RBM41: variants seen among roughly 807,000 people sequenced by gnomAD.
RBM41 encodes RNA binding motif protein 41.
Under a neutral mutation model 30.8 loss-of-function variants are expected in RBM41, and 14 were observed. That is an observed-to-expected ratio of 0.45 (90% CI 0.30 to 0.71). The LOEUF (loss-of-function observed/expected upper bound fraction) is 0.71. RBM41 is among the 30% of genes least tolerant of loss of function. The probability of loss-of-function intolerance (pLI) is 0.08; values close to 1 mark genes in which losing one functional copy is unlikely to be tolerated. For missense variants in RBM41, 276 were observed against 326.3 expected (o/e 0.85, Z 1.19); for synonymous variants, 120 against 110.1 (o/e 1.09, Z -0.56).
chrX:107,117,055 G>A (rs756181424), intron 1 of RBM41, among the ~76,000 whole-genome samples: 2 of 112,187 alleles, frequency 1.8e-5, no homozygotes, highest in South Asian at 3.7e-4. Flanking sequence ...TGTGTTGTGT[G>A]CATGTGCCTT....
chrX:107,104,079 C>A (rs946461671), intron 5 of RBM41, among the ~76,000 whole-genome samples: 1 of 110,292 alleles, frequency 9.1e-6, no homozygotes, highest in East Asian at 2.9e-4. Flanking sequence ...TCCCCGCTCC[C>A]CTCCCCTACC....
chrX:107,101,051 A>G (rs1192263229), intron 5 of RBM41, among the ~76,000 whole-genome samples: 1 of 112,089 alleles, frequency 8.9e-6, no homozygotes, highest in Admixed American at 9.5e-5. Flanking sequence ...CACTGACACA[A>G]TGCTTAAGCA....
At chrX:107,071,722 A>T (rs920259805) in intron 6 of RBM41, among the ~76,000 whole-genome samples, 4 of 111,774 alleles carry the variant, frequency 3.6e-5, no homozygotes, top group African/African-American at 1.3e-4. Flanking sequence ...TGATGAAGAC[A>T]CTCAACTACT....
At chrX:107,114,395 T>C (rs1235060375) in intron 4 of RBM41, 1 of 112,017 alleles carries the variant, frequency 8.9e-6, no homozygotes, top group Non-Finnish European at 1.9e-5. Flanking sequence ...TGAAACTAAC[T>C]GATAACTAAC....
At chrX:107,106,708 T>A (rs1424300050) in intron 5 of RBM41, among the ~76,000 whole-genome samples, 1 of 111,063 alleles carries the variant, frequency 9.0e-6, no homozygotes, top group African/African-American at 3.3e-5. Context: ...GATGAGTTCA[T>A]GTCCTTTGTA....
downstream of RBM41, among the ~76,000 whole-genome samples, chrX:107,060,639 T>A (rs905214830): frequency 2.7e-5 from 3 of 111,143 alleles, no homozygotes; most frequent in Admixed American, 1.9e-4. Context: ...CATTTTTTTT[T>A]ATTGTTGTTA....
rs1023897915 is a variant in RBM41, at chrX:107,117,777, G to C, written c.8+989C>G. ...AAGGGAATTAATAACACAAAATTCCGGATAGTGGTCACCTCAGGGGGGAAC... is the reference window on the plus strand; with the variant it reads ...AAGGGAATTAATAACACAAAATTCCCGATAGTGGTCACCTCAGGGGGGAAC... On this transcript the variant is annotated intron_variant, in intron 1 of 7. Coordinates refer to ENST00000685964, the MANE Select transcript of RBM41 (RefSeq NM_001324242.2). 4.5e-5 allele frequency among the ~76,000 whole-genome samples: 5 copies of C among 111,495 alleles called. No individual in the cohort carries two copies. The Admixed American group carries it at 4.7e-4, about 11-fold the overall frequency.
chrX:107,105,129 A>G (rs762398800), intron 5 of RBM41, among the ~76,000 whole-genome samples: 1 of 111,747 alleles, frequency 8.9e-6, no homozygotes, highest in South Asian at 3.8e-4. Context: ...CCACCGTCTC[A>G]GCCCAAAATC....
chrX:107,091,815 G>A (rs1922563353), intron 5 of RBM41, among the ~76,000 whole-genome samples: 1 of 111,758 alleles, frequency 8.9e-6, no homozygotes, highest in African/African-American at 3.3e-5. Flanking sequence ...ATATGTCCTG[G>A]AGATAGTTCC....
chrX:107,054,206 C>T, the RBM41 span, among the ~76,000 whole-genome samples: 2 of 111,282 alleles, frequency 1.8e-5, no homozygotes, highest in East Asian at 2.8e-4. Context: ...GTGAGCATGC[C>T]GTTCACATCA....
intron 5 of RBM41, among the ~76,000 whole-genome samples, chrX:107,106,060 C>T (rs1923944941): frequency 8.9e-6 from 1 of 111,847 alleles, no homozygotes; most frequent in African/African-American, 3.3e-5. Context: ...GCGAAAGAAA[C>T]TACCATCAGA....
At chrX:107,057,177 T>C (rs1447139636), downstream of RBM41, among the ~76,000 whole-genome samples, 4 of 111,300 alleles carry the variant, frequency 3.6e-5, no homozygotes, top group Non-Finnish European at 7.5e-5. Flanking sequence ...CCCTTAGCTA[T>C]AATCTTTACT....
rs889269052 is a variant in RBM41 at position 107,095,527 on chromosome X, C to G, written c.596-6688G>C. 1.3e-4 allele frequency among the ~76,000 whole-genome samples: 14 copies of G among 108,156 alleles called. No individual in the cohort carries two copies. The Admixed American group carries it at 1.4e-3, about 11-fold the overall frequency. 93.9% of individuals were successfully genotyped at this position (108,156 alleles called of 115,157 possible). A position where few individuals can be genotyped will look rare whatever the true frequency, so the allele number is the denominator to read the frequency against. ...AGGAGAATCGCTTGAACCTAGGTGG[C>G]GGAGATTGCAGTGAGCCGAGACAGT... On this transcript the variant is annotated intron_variant, in intron 5 of 7. Coordinates refer to ENST00000685964, the MANE Select transcript of RBM41 (RefSeq NM_001324242.2).
At chrX:107,115,324 T>A in intron 4 of RBM41, 28 bp downstream of exon 4, 1 of 1,186,902 alleles carries the variant, frequency 8.4e-7, no homozygotes. Context: ...AGTGAAAGAA[T>A]ATATCAAAGT....
intron 5 of RBM41, among the ~76,000 whole-genome samples, chrX:107,104,147 A>T (rs939259745): frequency 1.8e-5 from 2 of 110,310 alleles, no homozygotes; most frequent in African/African-American, 6.6e-5. Context: ...AGATTTATAC[A>T]CCGGTCAAAA....
intron 1 of RBM41, among the ~76,000 whole-genome samples, chrX:107,116,980 T>G (rs992024005): frequency 8.9e-6 from 1 of 112,386 alleles, no homozygotes; most frequent in Non-Finnish European, 1.9e-5. Context: ...GTCAAAGGTG[T>G]TTAAGACATA....
intron 5 of RBM41, among the ~76,000 whole-genome samples, chrX:107,108,994 T>C (rs970229953): frequency 8.9e-6 from 1 of 111,735 alleles, no homozygotes; most frequent in East Asian, 2.8e-4. Context: ...AAACAAAGTT[T>C]TTTAATATAA....
intron 5 of RBM41, among the ~76,000 whole-genome samples, chrX:107,091,805 A>G (rs1447392377): frequency 8.9e-6 from 1 of 112,058 alleles, no homozygotes; most frequent in Non-Finnish European, 1.9e-5. Context: ...GCACTTAACA[A>G]TATGTCCTGG....
intron 5 of RBM41, among the ~76,000 whole-genome samples, chrX:107,102,998 T>C (rs1923592396): frequency 9.0e-6 from 1 of 111,280 alleles, no homozygotes; most frequent in Non-Finnish European, 1.9e-5. Flanking sequence ...ATGGACCATA[T>C]CCAGAACCTC....
Sources: allele counts gnomAD v4.1 joint callset (sites outside exome capture counted in the v4.1 genomes callset), GRCh38; gene constraint gnomAD v4.1.1; transcripts MANE v1.5; gene names NCBI Gene and HGNC (gene_info 2026-07-23, HGNC 2026-07-21).